The following RIN2 variants were observed in gnomAD, a reference collection of about 807,000 sequenced individuals.
The protein encoded by RIN2 is RAB5 interacting protein 2.
RIN2 carries 36 observed loss-of-function variants against 78.0 expected under a neutral mutation model. The observed-to-expected ratio is 0.46, with a 90% CI of 0.35 to 0.61. The LOEUF (loss-of-function observed/expected upper bound fraction) is 0.61, where lower values mean the gene tolerates loss of function less well. Ranked by LOEUF, RIN2 falls within the 20% of genes least tolerant of loss-of-function variation. RIN2 has a pLI of 0.00. For missense variants in RIN2, 1,087 were observed against 1,159.7 expected (o/e 0.94, Z 0.91); for synonymous variants, 466 against 466.8 (o/e 1.00, Z 0.02).
intron 3 of RIN2, among the ~76,000 whole-genome samples, chr20:19,919,826 G>C (rs1366980400): frequency 1.3e-5 from 2 of 152,030 alleles, no homozygotes; most frequent in East Asian, 1.9e-4. Context: ...ATAAAAATGT[G>C]AAAGTGCACA....
chr20:19,920,415 G>T (rs2039868931), intron 3 of RIN2, among the ~76,000 whole-genome samples: 1 of 152,146 alleles, frequency 6.6e-6, no homozygotes, highest in Non-Finnish European at 1.5e-5. Context: ...TGACTGCCAA[G>T]GTCATTGAAT....
intron 3 of RIN2, among the ~76,000 whole-genome samples, chr20:19,917,825 CTTTA>C (rs1275472126): frequency 2.0e-5 from 3 of 152,220 alleles, no homozygotes; most frequent in African/African-American, 7.2e-5. Context: ...GGGGTACACA[CTTTA>C]TTTACCCAGT....
chr20:19,927,336 C>A (rs1365934435), intron 3 of RIN2, among the ~76,000 whole-genome samples: 3 of 152,228 alleles, frequency 2.0e-5, no homozygotes, highest in South Asian at 4.1e-4. Flanking sequence ...CAGCCTTGAA[C>A]TCCTGGGCTC....
chr20:19,943,642 G>A (rs13037004), intron 4 of RIN2, among the ~76,000 whole-genome samples: 8,350 of 152,166 alleles, frequency 0.055, 285 homozygotes, highest in East Asian at 0.093. Context: ...TCCCTAAGTC[G>A]GAAAACTGGA....
chr20:19,936,005 T>C (rs1485910160), intron 4 of RIN2, among the ~76,000 whole-genome samples: 2 of 152,244 alleles, frequency 1.3e-5, no homozygotes, highest in African/African-American at 4.8e-5. Flanking sequence ...GAGTAGGTTT[T>C]GCCTGCAAGT....
intron 2 of RIN2, among the ~76,000 whole-genome samples, chr20:19,827,233 C>T (rs973944394): frequency 6.6e-6 from 1 of 152,144 alleles, no homozygotes; most frequent in Non-Finnish European, 1.5e-5. Context: ...GCCTCGGCCT[C>T]CCAAAGTGCT....
chr20:19,947,161 T>G (rs2041131393), intron 4 of RIN2, among the ~76,000 whole-genome samples: 1 of 152,166 alleles, frequency 6.6e-6, no homozygotes, highest in African/African-American at 2.4e-5. Flanking sequence ...ATCCATCACT[T>G]TTTGGGAAAC....
At chr20:19,964,853 A>AGAG in intron 6 of RIN2, 99 bp from the exon 7 acceptor site, 1 of 992,342 alleles carries the variant, frequency 1.0e-6, no homozygotes, top group African/African-American at 1.6e-5. Flanking sequence ...AGTTTGTTTG[A>AGAG]GAGTACTCAG....
At chr20:19,839,150 A>C (rs1431585461) in intron 2 of RIN2, among the ~76,000 whole-genome samples, 1 of 152,148 alleles carries the variant, frequency 6.6e-6, no homozygotes, top group African/African-American at 2.4e-5. Flanking sequence ...GTCAGCTTTA[A>C]CCTTTGCCTG....
chr20:19,763,337 A>G (rs549857207), intron 1 of RIN2, among the ~76,000 whole-genome samples: 26 of 152,262 alleles, frequency 1.7e-4, no homozygotes, highest in African/African-American at 5.1e-4. Context: ...GCAGTGAGCC[A>G]GGATCACTCC....
At chr20:19,862,943 G>A (rs915380911) in intron 2 of RIN2, among the ~76,000 whole-genome samples, 1 of 152,142 alleles carries the variant, frequency 6.6e-6, no homozygotes, top group African/African-American at 2.4e-5. Flanking sequence ...CTCCAGCGTG[G>A]AGCCAGCAGA....
At chr20:19,805,123 C>A (rs923933700) in intron 2 of RIN2, among the ~76,000 whole-genome samples, 2 of 152,160 alleles carry the variant, frequency 1.3e-5, no homozygotes, top group African/African-American at 4.8e-5. Flanking sequence ...TTCAAGTGTT[C>A]AGTGAGTGTT....
chr20:19,936,448 T>A (rs748885042), intron 4 of RIN2, among the ~76,000 whole-genome samples: 4 of 152,066 alleles, frequency 2.6e-5, no homozygotes, highest in Admixed American at 2.6e-4. Flanking sequence ...GAGCTAAAAT[T>A]TAATTGGGAG....
chr20:19,917,080 CT>C (rs1170220222), intron 3 of RIN2, among the ~76,000 whole-genome samples: 2 of 150,930 alleles, frequency 1.3e-5, no homozygotes, highest in Non-Finnish European at 2.9e-5. Context: ...TCAGCCCCTG[CT>C]GTGTAATTAA....
intron 2 of RIN2, among the ~76,000 whole-genome samples, chr20:19,803,231 GATA>G (rs1461286007): frequency 1.3e-5 from 2 of 152,158 alleles, no homozygotes; most frequent in Non-Finnish European, 2.9e-5. Flanking sequence ...TTAGAAGCCT[GATA>G]ATAATAAGGA....
chr20:19,836,317 A>T (rs962848682), intron 2 of RIN2, among the ~76,000 whole-genome samples: 1 of 152,270 alleles, frequency 6.6e-6, no homozygotes, highest in Admixed American at 6.5e-5. Flanking sequence ...GAGTGAATTC[A>T]TAAGTGACTA....
intron 2 of RIN2, among the ~76,000 whole-genome samples, chr20:19,879,226 C>T (rs144782384): frequency 3.9e-5 from 6 of 152,322 alleles, no homozygotes; most frequent in African/African-American, 1.4e-4. Context: ...ACCAAAACCA[C>T]CTTTCTGGTG....
Position 19,975,694 on chromosome 20 carries a change from A to C in RIN2, c.1669A>C (p.Ile557Leu), listed in dbSNP as rs2042258742. ...HVSSTDMLQTIRQFMTQVKNY... is the reference protein window; with the variant it reads ...HVSSTDMLQTLRQFMTQVKNY... ...GTCCAGCACCGACATGCTGCAGACC[A>C]TCCGGCAGTTCATGACCCAGGTCAA... The change falls in exon 9 of 13, where the codon ATC becomes CTC. Residue 557 changes from isoleucine to leucine, a missense_variant. Ile to Leu is a conservative substitution (Grantham distance 5, BLOSUM62 2). Around this residue, in one of 8 missense-constraint regions of RIN2, gnomAD observed 5 missense variants for 22.8 expected, o/e 0.22. Transcript: ENST00000255006. The surrounding 1 kb of genome is among the most constrained non-coding windows in gnomAD (Gnocchi z 4.9). The C allele has an allele frequency of 1.9e-6, 3 of 1,613,678 alleles. No homozygotes were observed. The highest frequency in any genetic ancestry group is 2.5e-6 in the Non-Finnish European group (3 of 1,179,896).
rs544202729 is a variant in RIN2, at chr20:19,782,148, A to G, written c.-162-17474A>G. Among the ~76,000 whole-genome samples, 70 of 152,316 alleles carry G rather than the reference A, an allele frequency of 4.6e-4. 1 individual carries two copies. The South Asian group carries it at 9.5e-3, about 21-fold the overall frequency. ...GAATTATTCATGAAATATCCAATGG[A>G]TTGACCACACTAGATTGGTCTGTCT... On this transcript the variant is annotated intron_variant, in intron 1 of 12. Coordinates refer to ENST00000255006, the MANE Select transcript of RIN2 (RefSeq NM_018993.4).
Sources: gnomAD v4.1 joint callset for allele counts (sites outside exome capture counted in the v4.1 genomes callset) on GRCh38, gnomAD v4.1.1 for gene constraint, gnomAD v4.1.1 regional missense constraint, Gnocchi (gnomAD v3.1) non-coding constraint, MANE v1.5 for transcripts, NCBI Gene and HGNC (gene_info 2026-07-23, HGNC 2026-07-21) for gene names.